Variants in ZNF608 observed in about 807,000 individuals in gnomAD.
The protein encoded by ZNF608 is zinc finger protein 608, also known as renal carcinoma antigen NY-REN-36.
ZNF608 carries 12 observed loss-of-function variants against 109.0 expected under a neutral mutation model. The ratio of observed to expected loss-of-function variants is 0.11; its 90% CI spans 0.07 to 0.18. The LOEUF is 0.18. Among genes scored for constraint, ZNF608 ranks in the 10% least tolerant of loss-of-function variants. ZNF608 has a pLI of 1.00. For missense variants in ZNF608, 1,707 were observed against 1,879.3 expected (o/e 0.91, Z 1.70); for synonymous variants, 732 against 717.4 (o/e 1.02, Z -0.33).
intron 2 of ZNF608, among the ~76,000 whole-genome samples, chr5:124,709,819 A>G (rs990212350): frequency 6.6e-6 from 1 of 152,206 alleles, no homozygotes; most frequent in Non-Finnish European, 1.5e-5. Flanking sequence ...AGCCACAAAG[A>G]AAGGAGACCA....
chr5:124,744,612 C>T lies in ZNF608; in HGVS notation c.378G>A (p.Gly126=). 2 of 1,614,236 alleles carry T rather than the reference C, an allele frequency of 1.2e-6. No individual in the cohort carries two copies. The highest frequency in any genetic ancestry group is 1.7e-5 in the Admixed American group (1 of 60,028). ...TGCCAGTGCTGCTGATCTCGGGAATCCCATACAAGGCAGCAGAAGGCAGAG... is the reference window on the plus strand; with the variant it reads ...TGCCAGTGCTGCTGATCTCGGGAATTCCATACAAGGCAGCAGAAGGCAGAG... ...NKSLPSAALY[G]IPEISSTGKR... Residue 126 remains glycine, a synonymous_variant, in exon 2 of 10, where the codon GGG becomes GGA. Coordinates refer to ENST00000513986, the MANE Select transcript of ZNF608 (RefSeq NM_020747.3). The surrounding 1 kb of genome is among the most constrained non-coding windows in gnomAD (Gnocchi z 4.5).
intron 9 of ZNF608, 121 bp downstream of exon 9, chr5:124,639,012 T>C (rs762939711): frequency 1.0e-6 from 1 of 961,800 alleles, no homozygotes; most frequent in South Asian, 1.6e-5. Flanking sequence ...ATAAACACAT[T>C]CATTACAATG....
In ZNF608 at chr5:124,647,496, C is replaced by A; in HGVS notation, c.2888G>T (p.Ser963Ile). Residue 963 changes from serine (S) to isoleucine (I), a missense_variant, in exon 5 of 10, where the codon AGT (serine) becomes ATT (isoleucine). This residue lies in a region of ZNF608 where 1,073 missense variants were observed against 1,133.5 expected (regional missense o/e 0.95). Coordinates refer to ENST00000513986, the MANE Select transcript of ZNF608 (RefSeq NM_020747.3). ...ACTAGAAATAATATCTGATGGGGAA[C>A]TGGCCTTTGATCTCATACCCTCCGA... is the stretch of plus-strand genomic sequence containing the variant. ...SRSEGMRSKA[S>I]SPSDIISSKD... 1 of 1,614,248 alleles carries A rather than the reference C, an allele frequency of 6.2e-7. No individual in the cohort carries two copies. Among genetic ancestry groups the A allele is most frequent in the Non-Finnish European group, 8.5e-7 (1 of 1,180,050 alleles).
At chr5:124,745,650 A>C (rs1749613218) in intron 1 of ZNF608, among the ~76,000 whole-genome samples, 1 of 152,216 alleles carries the variant, frequency 6.6e-6, no homozygotes, top group Admixed American at 6.5e-5. Context: ...GCTAGTTTTC[A>C]GAATAGAATG....
rs865799098 is a variant in ZNF608 at position 124,639,197 on chromosome 5, G to A, written c.4468C>T (p.Leu1490Phe). Residue 1490 changes from leucine to phenylalanine, a missense_variant, in exon 9 of 10, where the codon CTT becomes TTT. By Grantham distance (22) the Leu-to-Phe change is conservative. Around this residue, in one of 7 missense-constraint regions of ZNF608, gnomAD observed 1,073 missense variants for 1,133.5 expected, o/e 0.95. Transcript: ENST00000513986. ...GCAGCCACCTGCTGAGAGGCAACAA[G>A]GGCAGCAGAGGTCAAGCCTAATGGG... ...DPFQGLTSAA[L>F]VASQQVAAQA... The A allele has an allele frequency of 6.2e-7, 1 of 1,614,182 alleles. No individual in the cohort carries two copies. Among genetic ancestry groups the A allele is most frequent in the Non-Finnish European group, 8.5e-7 (1 of 1,180,008 alleles).
chr5:124,670,981 G>T (rs1751691527), intron 3 of ZNF608, among the ~76,000 whole-genome samples: 1 of 152,184 alleles, frequency 6.6e-6, no homozygotes, highest in African/African-American at 2.4e-5. Context: ...GACTTGATAT[G>T]TAGAGCTGTA....
chr5:124,730,755 A>G lies in ZNF608; in HGVS notation c.906+13329T>C, dbSNP rs117345642. 9.3e-4 allele frequency among the ~76,000 whole-genome samples: 142 copies of G among 152,272 alleles called. 1 individual carries two copies. In the East Asian group the frequency reaches 0.023, roughly 24 times the overall value. ...ACAGAACAGGTTAGAGAGGAGAAGC[A>G]AGAGACAAGAACTCTTGTTAATATT... On this transcript the variant is annotated intron_variant, in intron 2 of 9. Transcript: ENST00000513986.
At chr5:124,737,821 C>G (rs1374955473) in intron 2 of ZNF608, among the ~76,000 whole-genome samples, 1 of 152,318 alleles carries the variant, frequency 6.6e-6, no homozygotes, top group East Asian at 1.9e-4. Context: ...GCTGGTCAAT[C>G]AACTATGAAT....
rs1749636872 is a variant in ZNF608, at chr5:124,746,246, C to T, written c.-235G>A. 1 of 985,286 alleles carries T rather than the reference C, an allele frequency of 1.0e-6. No individual in the cohort carries two copies. Among genetic ancestry groups the T allele is most frequent in the South Asian group, 4.7e-5 (1 of 21,288 alleles). The allele number at this position is 985,286 out of a possible 1,614,324, so 61.0% of individuals were successfully genotyped here. A position where few individuals can be genotyped will look rare whatever the true frequency, so the allele number is the denominator to read the frequency against. On this transcript the variant is annotated 5_prime_UTR_variant, in exon 1 of 10. Coordinates refer to ENST00000513986, the MANE Select transcript of ZNF608 (RefSeq NM_020747.3). ...TAGGCCAGCAAATCAAAATGCCTTT[C>T]CCACTCCACTCGGCAAACAAGCCTG...
intron 3 of ZNF608, among the ~76,000 whole-genome samples, chr5:124,652,582 T>C (rs1750839589): frequency 6.6e-6 from 1 of 152,216 alleles, no homozygotes; most frequent in African/African-American, 2.4e-5. Context: ...CACTCTATAT[T>C]GGAATGAAGG....
At chr5:124,644,706 T>C (rs894114243) in intron 5 of ZNF608, 45 bp from the exon 6 acceptor site, 7 of 1,492,872 alleles carry the variant, frequency 4.7e-6, no homozygotes, top group Non-Finnish European at 6.3e-6. Flanking sequence ...AGATTTGTTT[T>C]AAAATTTCAA....
chr5:124,660,880 A>G (rs541801382), intron 3 of ZNF608, among the ~76,000 whole-genome samples: 7 of 152,304 alleles, frequency 4.6e-5, no homozygotes, highest in East Asian at 3.9e-4. Flanking sequence ...ACACTCAGAA[A>G]TGCAGCTGGC....
intron 2 of ZNF608, among the ~76,000 whole-genome samples, chr5:124,713,208 C>A (rs1388360711): frequency 6.6e-6 from 1 of 152,124 alleles, no homozygotes; most frequent in East Asian, 1.9e-4. Flanking sequence ...AAGGTGGTTC[C>A]ACCCTACAAA....
intron 3 of ZNF608, among the ~76,000 whole-genome samples, chr5:124,651,442 G>A (rs1455991718): frequency 6.6e-6 from 1 of 152,192 alleles, no homozygotes; most frequent in African/African-American, 2.4e-5. Flanking sequence ...TAGCATGTCA[G>A]CTATATTTAC....
At chr5:124,701,437 A>T (rs1280882308) in intron 2 of ZNF608, among the ~76,000 whole-genome samples, 168 bp from the exon 3 acceptor site, 1 of 152,208 alleles carries the variant, frequency 6.6e-6, no homozygotes, top group Admixed American at 6.5e-5. Context: ...AATAGAAATG[A>T]GCATTTTGTT....
chr5:124,692,129 A>G lies in ZNF608; in HGVS notation c.1162+8885T>C, dbSNP rs538426092. Among the ~76,000 whole-genome samples the G allele has an allele frequency of 2.2e-4, 33 of 152,370 alleles. No individual in the cohort carries two copies. In the East Asian group the frequency reaches 5.4e-3, roughly 25 times the overall value. On this transcript the variant is annotated intron_variant, in intron 3 of 9. Transcript: ENST00000513986. ...ATATTTTGTTCCTCCTTCCTTGTGC[A>G]GATTAATCTTACAATAACAAGGTTG...
chr5:124,707,744 G>A (rs915978796), intron 2 of ZNF608: 3 of 152,122 alleles, frequency 2.0e-5, no homozygotes, highest in Non-Finnish European at 4.4e-5. Context: ...TCTGCCTGAC[G>A]TCACTGCTTC....
intron 3 of ZNF608, among the ~76,000 whole-genome samples, chr5:124,650,776 C>T (rs1267823900): frequency 6.6e-6 from 1 of 152,210 alleles, no homozygotes; most frequent in Non-Finnish European, 1.5e-5. Flanking sequence ...CCTACTCTTT[C>T]TTGGAAGCAC....
At chr5:124,697,785 T>C (rs1163327473) in intron 3 of ZNF608, among the ~76,000 whole-genome samples, 2 of 152,166 alleles carry the variant, frequency 1.3e-5, no homozygotes, top group South Asian at 4.1e-4. Flanking sequence ...ATCCTCCTAG[T>C]CCAGTCTTGC....
Sources: gnomAD v4.1 joint callset for allele counts (sites outside exome capture counted in the v4.1 genomes callset) on GRCh38, gnomAD v4.1.1 for gene constraint, gnomAD v4.1.1 regional missense constraint, Gnocchi (gnomAD v3.1) non-coding constraint, MANE v1.5 for transcripts, NCBI Gene and HGNC (gene_info 2026-07-23, HGNC 2026-07-21) for gene names.